CLEC2A: variants seen among roughly 807,000 people sequenced by gnomAD.
CLEC2A encodes the protein C-type lectin domain family 2 member A.
CLEC2A carries 19 observed loss-of-function variants against 18.6 expected under a neutral mutation model. The observed-to-expected ratio is 1.02, with a 90% CI of 0.71 to 1.50. The LOEUF is 1.50. Ranked by LOEUF, CLEC2A falls within the 40% of genes most tolerant of loss-of-function variation. The probability of loss-of-function intolerance (pLI) is 0.00; values close to 1 mark genes in which losing one functional copy is unlikely to be tolerated. For missense variants in CLEC2A, 190 were observed against 207.9 expected, an observed-to-expected ratio of 0.91 and a Z score of 0.53; for synonymous variants, 74 against 64.0, an observed-to-expected ratio of 1.16 and a Z score of -0.75.
intron 4 of CLEC2A, among the ~76,000 whole-genome samples, chr12:9,902,471 G>A (rs1215578766): frequency 6.6e-6 from 1 of 151,836 alleles, no homozygotes; most frequent in Non-Finnish European, 1.5e-5. Context: ...AACCTCAAGT[G>A]AGCCACCCAC....
the CLEC2A span, among the ~76,000 whole-genome samples, chr12:9,878,680 G>C: frequency 1.3e-5 from 2 of 152,164 alleles, no homozygotes; most frequent in Non-Finnish European, 2.9e-5. Flanking sequence ...AAGGTAAAGG[G>C]AAGAGAAGTT....
chr12:9,897,878 C>T (rs2137009375), downstream of CLEC2A, among the ~76,000 whole-genome samples: 1 of 152,246 alleles, frequency 6.6e-6, no homozygotes, highest in African/African-American at 2.4e-5. Flanking sequence ...TTTTCTATTC[C>T]TTGGATTTTA....
chr12:9,883,437 G>T, the CLEC2A span, among the ~76,000 whole-genome samples: 1 of 152,178 alleles, frequency 6.6e-6, no homozygotes, highest in African/African-American at 2.4e-5. Flanking sequence ...CTGTTCACCT[G>T]GCTTGATATA....
At chr12:9,920,091 T>C (rs10845005) in intron 3 of CLEC2A, among the ~76,000 whole-genome samples, 62,854 of 152,096 alleles carry the variant, frequency 0.41, 14,053 homozygotes, top group Non-Finnish European at 0.51. Flanking sequence ...CTGGGAGCTG[T>C]TTCAGGGAGG....
intron 4 of CLEC2A, among the ~76,000 whole-genome samples, chr12:9,915,069 C>A (rs1350244324): frequency 6.6e-6 from 1 of 151,772 alleles, no homozygotes; most frequent in Non-Finnish European, 1.5e-5. Context: ...CAAAAGAAGA[C>A]ATTTATGCAG....
chr12:9,918,173 T>A (rs1029453716), intron 3 of CLEC2A, among the ~76,000 whole-genome samples: 1 of 152,166 alleles, frequency 6.6e-6, no homozygotes, highest in Non-Finnish European at 1.5e-5. Flanking sequence ...GAAATTTGCC[T>A]GTTTCAATGT....
At chr12:9,891,072 T>G in the CLEC2A span, among the ~76,000 whole-genome samples, 3 of 152,062 alleles carry the variant, frequency 2.0e-5, no homozygotes, top group East Asian at 5.8e-4. Context: ...GCCCTTTATT[T>G]GTCAAAAGGT....
At chr12:9,882,746 A>G in the CLEC2A span, among the ~76,000 whole-genome samples, 1 of 152,074 alleles carries the variant, frequency 6.6e-6, no homozygotes, top group Non-Finnish European at 1.5e-5. Flanking sequence ...ATGCCACTGC[A>G]CTCCAGCCTG....
At chr12:9,919,468 G>A (rs558938057) in intron 3 of CLEC2A, among the ~76,000 whole-genome samples, 47 of 152,196 alleles carry the variant, frequency 3.1e-4, no homozygotes, top group Non-Finnish European at 5.7e-4. Context: ...GAGACTTAGG[G>A]TCTTTGCTCC....
chr12:9,911,864 C>T, downstream of CLEC2A, among the ~76,000 whole-genome samples: 1 of 152,012 alleles, frequency 6.6e-6, no homozygotes, highest in East Asian at 1.9e-4. Flanking sequence ...TCACCTAAGG[C>T]AGGGCTGCTA....
At chr12:9,882,988 TTAAAATC>T in the CLEC2A span, among the ~76,000 whole-genome samples, 1 of 152,178 alleles carries the variant, frequency 6.6e-6, no homozygotes, top group Non-Finnish European at 1.5e-5. Flanking sequence ...GTACAGAGAC[TTAAAATC>T]TGAGTATTGA....
At chr12:9,923,311 A>G (rs550481741) in intron 2 of CLEC2A, among the ~76,000 whole-genome samples, 3 of 152,366 alleles carry the variant, frequency 2.0e-5, no homozygotes, top group South Asian at 4.1e-4. Flanking sequence ...TACGCAGCCA[A>G]CAGACACAGG....
At chr12:9,926,752 AAGGTCATGACAG>A (rs1384640167) in intron 1 of CLEC2A, among the ~76,000 whole-genome samples, 1 of 152,208 alleles carries the variant, frequency 6.6e-6, no homozygotes, top group African/African-American at 2.4e-5. Flanking sequence ...AAGGAGTCAT[AAGGTCATGACAG>A]AAGACCTTAA....
At chr12:9,910,760 G>T (rs375622274), downstream of CLEC2A, among the ~76,000 whole-genome samples, 1 of 152,306 alleles carries the variant, frequency 6.6e-6, no homozygotes, top group Middle Eastern at 3.4e-3. Context: ...CCACGTTGCT[G>T]AGAGTGTGGG....
intron 3 of CLEC2A, among the ~76,000 whole-genome samples, chr12:9,920,119 T>C (rs1360069907): frequency 6.6e-6 from 1 of 152,210 alleles, no homozygotes; most frequent in Non-Finnish European, 1.5e-5. Context: ...CTGTTATTGA[T>C]GGCTGGCTAG....
downstream of CLEC2A, among the ~76,000 whole-genome samples, chr12:9,908,240 G>A (rs1862932410): frequency 6.6e-6 from 1 of 152,188 alleles, no homozygotes; most frequent in African/African-American, 2.4e-5. Flanking sequence ...CATCAGGATG[G>A]ATGTGTCTTT....
chr12:9,887,710 A>G, the CLEC2A span, among the ~76,000 whole-genome samples: 2,977 of 151,670 alleles, frequency 0.02, 48 homozygotes, highest in Middle Eastern at 0.044. Flanking sequence ...GAACTTGATG[A>G]TATGGTCAAA....
chr12:9,881,768 G>C, the CLEC2A span: 1 of 840,008 alleles, frequency 1.2e-6, no homozygotes, highest in Non-Finnish European at 1.9e-6. Context: ...ATCATAATAA[G>C]GAATATAAAA....
At chr12:9,883,430 T>TTCA in the CLEC2A span, among the ~76,000 whole-genome samples, 1 of 152,224 alleles carries the variant, frequency 6.6e-6, no homozygotes, top group Non-Finnish European at 1.5e-5. Context: ...CAGCTCTCTG[T>TTCA]TCACCTGGCT....
Sources: gnomAD v4.1 joint callset for allele counts (sites outside exome capture counted in the v4.1 genomes callset) on GRCh38, gnomAD v4.1.1 for gene constraint, MANE v1.5 for transcripts, NCBI Gene and HGNC (gene_info 2026-07-23, HGNC 2026-07-21) for gene names.